Variants in ACP7 observed in about 807,000 individuals in gnomAD.
The protein encoded by ACP7 is acid phosphatase type 7.
ACP7 carries 58 observed loss-of-function variants against 60.6 expected under a neutral mutation model. The ratio of observed to expected loss-of-function variants is 0.96; its 90% confidence interval spans 0.77 to 1.19. The LOEUF is 1.19. ACP7 is among the 50% of genes most tolerant of loss of function. The pLI is 0.00. For missense variants in ACP7, 574 were observed against 596.2 expected (o/e 0.96, Z 0.39); for synonymous variants, 237 against 232.6 (o/e 1.02, Z -0.17).
chr19:39,089,855 G>A (rs2144968423), intron 2 of ACP7, among the ~76,000 whole-genome samples: 1 of 152,364 alleles, frequency 6.6e-6, no homozygotes, highest in South Asian at 2.1e-4. Context: ...GAATCAAGAT[G>A]TGGCTGTGAC....
chr19:39,086,231 G>A (rs1264778563), intron 2 of ACP7, among the ~76,000 whole-genome samples: 1 of 152,172 alleles, frequency 6.6e-6, no homozygotes, highest in Non-Finnish European at 1.5e-5. Flanking sequence ...GGGAGACTGA[G>A]GTGGGAGGAT....
chr19:39,099,719 G>A (rs879852571), intron 4 of ACP7, among the ~76,000 whole-genome samples: 1 of 151,866 alleles, frequency 6.6e-6, no homozygotes, highest in Non-Finnish European at 1.5e-5. Context: ...TGGGCCAGGC[G>A]CAGTGGCTCA....
At position 39,098,973 on chromosome 19, in the gene ACP7, C is replaced by T. The variant is rs746631960; in HGVS notation, c.336C>T (p.Gly112=). ...LPGVQYVYRC[G]SAQGWSRRFR... ...TCTCCCATTCAGTTTATCGCTGTGG[C>T]AGTGCGCAGGGCTGGAGCCGTCGGT... The change falls in exon 4 of 13, where the codon GGC becomes GGT. Residue 112 remains glycine (G), a synonymous_variant. Coordinates refer to ENST00000331256, the MANE Select transcript of ACP7 (RefSeq NM_001004318.3). 10 of 1,612,948 alleles carry T rather than the reference C, an allele frequency of 6.2e-6. No individual in the cohort carries two copies. The highest frequency in any genetic ancestry group is 8.5e-6 in the Non-Finnish European group (10 of 1,179,910).
chr19:39,103,406 C>T (rs933882435), intron 11 of ACP7, among the ~76,000 whole-genome samples: 4 of 141,062 alleles, frequency 2.8e-5, no homozygotes, highest in African/African-American at 1.1e-4. Context: ...CCTCCTTATT[C>T]TCTGGCACTT....
intron 2 of ACP7, among the ~76,000 whole-genome samples, chr19:39,095,461 T>G (rs1453510085): frequency 6.6e-6 from 1 of 152,254 alleles, no homozygotes; most frequent in Non-Finnish European, 1.5e-5. Context: ...CAGGTCTCAC[T>G]GATGCAAGAG....
intron 2 of ACP7, among the ~76,000 whole-genome samples, chr19:39,092,446 G>A (rs892342690): frequency 2.0e-5 from 3 of 152,002 alleles, no homozygotes; most frequent in Admixed American, 1.3e-4. Flanking sequence ...ACGATGCCAA[G>A]GTGACAGCCT....
At chr19:39,102,715 T>TTACTTACTTTCTTTC (rs1555769415) in intron 11 of ACP7, among the ~76,000 whole-genome samples, 3 of 118,710 alleles carry the variant, frequency 2.5e-5, no homozygotes, top group Admixed American at 8.5e-5. Flanking sequence ...CAATGAAGAC[T>TTACTTACTTTCTTTC]TTTCTTTCTT....
intron 2 of ACP7, among the ~76,000 whole-genome samples, chr19:39,093,745 A>G (rs1353995777): frequency 6.6e-6 from 1 of 152,144 alleles, no homozygotes; most frequent in African/African-American, 2.4e-5. Context: ...TCATCTCTTT[A>G]GTACCTGGTG....
chr19:39,100,200 T>C (rs759701167), intron 4 of ACP7, 27 bp from the exon 5 acceptor site: 2 of 1,605,966 alleles, frequency 1.2e-6, no homozygotes, highest in South Asian at 2.2e-5. Flanking sequence ...GCCTGGGTCC[T>C]CACCCTCCTT....
Position 39,098,618 on chromosome 19 carries a change from C to T in ACP7, c.282C>T (p.His94=). The T allele has an allele frequency of 6.2e-7, 1 of 1,613,460 alleles. No individual in the cohort carries two copies. The highest frequency in any genetic ancestry group is 8.5e-7 in the Non-Finnish European group (1 of 1,179,684). The change falls in exon 3 of 13, where the codon CAC becomes CAT. Residue 94 remains histidine, a synonymous_variant. Transcript: ENST00000331256. ...GGILRRKLYI[H]RVTLRKLLPG... ...TTCTCCGGCGGAAGCTCTACATACA[C>T]CGAGTCACGCTTCGCAAGCTGCTGC...
intron 11 of ACP7, among the ~76,000 whole-genome samples, chr19:39,102,755 CTT>C (rs2073366160): frequency 2.4e-5 from 2 of 83,658 alleles, no homozygotes; most frequent in African/African-American, 4.3e-5. Context: ...TTCTTTCTTT[CTT>C]TCTTTCTTTC....
At position 39,107,073 on chromosome 19, in the gene ACP7, T is replaced by G. The variant is rs1384210510; in HGVS notation, c.1240T>G (p.Ser414Ala). ...NGTHIHIQQV[S>A]DDQDGKIVDD... ...GACCCACATCCACATCCAGCAGGTG[T>G]CGGACGACCAGGTCAGTGAGGGGCA... The change falls in exon 12 of 13, where the codon TCG (serine) becomes GCG (alanine). Residue 414 changes from serine (S) to alanine (A), a missense_variant. Coordinates refer to ENST00000331256, the MANE Select transcript of ACP7 (RefSeq NM_001004318.3). The G allele has an allele frequency of 6.2e-7, 1 of 1,613,732 alleles. No individual in the cohort carries two copies. The highest frequency in any genetic ancestry group is 8.5e-7 in the Non-Finnish European group (1 of 1,179,936).
intron 12 of ACP7, 111 bp from the exon 13 acceptor site, chr19:39,109,942 C>T (rs1429966682): frequency 9.4e-7 from 1 of 1,069,368 alleles, no homozygotes; most frequent in Non-Finnish European, 1.4e-6. Context: ...GCCACTTGCT[C>T]AGGGTTGTAC....
At position 39,101,355 on chromosome 19, in the gene ACP7, G is replaced by C. The variant is rs1157027619; in HGVS notation, c.1041G>C (p.Gln347His). The C allele has an allele frequency of 6.2e-7, 1 of 1,614,192 alleles. No homozygotes were observed. The highest frequency in any genetic ancestry group is 1.1e-5 in the South Asian group (1 of 91,082). ...YERLWPIYNY[Q>H]VFNGSREMPY... ...GACTGTGGCCAATTTACAACTACCA[G>C]GTGAGGCACGTGAAGGGCTGAGCGC... Residue 347 changes from glutamine (Q) to histidine (H), a missense_variant and splice_region_variant, in exon 10 of 13, where the codon CAG becomes CAC. Gln to His is a conservative substitution (Grantham distance 24, BLOSUM62 0). Coordinates refer to ENST00000331256, the MANE Select transcript of ACP7 (RefSeq NM_001004318.3).
intron 2 of ACP7, among the ~76,000 whole-genome samples, chr19:39,096,829 G>C (rs764610260): frequency 6.6e-6 from 1 of 152,146 alleles, no homozygotes; most frequent in Non-Finnish European, 1.5e-5. Flanking sequence ...GACAGACAGA[G>C]TCTTGCTCTG....
intron 3 of ACP7, 149 bp from the exon 4 acceptor site, chr19:39,098,811 A>C: frequency 7.3e-7 from 1 of 1,367,750 alleles, no homozygotes; most frequent in Non-Finnish European, 9.8e-7. Context: ...ATGAAAACGG[A>C]AGGTGCCGGG....
In ACP7 at chr19:39,101,272, G is replaced by A. The variant is rs201833340; in HGVS notation, c.974-16G>A. ...TCCCCAATTCAGAGGTCTGATCCCCGCTTGCTCTATCTCAGGAGTGGATCT... is the reference window on the plus strand; with the variant it reads ...TCCCCAATTCAGAGGTCTGATCCCCACTTGCTCTATCTCAGGAGTGGATCT... On this transcript the variant is annotated splice_polypyrimidine_tract_variant and intron_variant, in intron 9 of 12. Coordinates refer to ENST00000331256, the MANE Select transcript of ACP7 (RefSeq NM_001004318.3). 6.1e-5 allele frequency: 99 copies of A among 1,614,164 alleles called. No homozygotes were observed. The highest frequency in any genetic ancestry group is 7.6e-5 in the Non-Finnish European group (90 of 1,180,040).
chr19:39,099,291 G>A (rs2060409142), intron 4 of ACP7, 149 bp downstream of exon 4: 1 of 976,350 alleles, frequency 1.0e-6, no homozygotes, highest in Non-Finnish European at 1.4e-6. Flanking sequence ...TGAAGGGACA[G>A]GGGATGAGAC....
intron 11 of ACP7, among the ~76,000 whole-genome samples, chr19:39,102,657 A>G (rs10423554): frequency 0.53 from 79,774 of 150,650 alleles, 22,066 homozygotes; most frequent in East Asian, 0.64. Context: ...TCTTATTTTC[A>G]AACCCATTAG....
Sources: gnomAD v4.1 joint callset for allele counts (sites outside exome capture counted in the v4.1 genomes callset) on GRCh38, gnomAD v4.1.1 for gene constraint, MANE v1.5 for transcripts, NCBI Gene and HGNC (gene_info 2026-07-23, HGNC 2026-07-21) for gene names.